The following FBLN2 variants were observed in gnomAD, a reference collection of about 807,000 sequenced individuals.
FBLN2 encodes fibulin-2.
In FBLN2, 81 loss-of-function variants were observed where a neutral mutation model predicts 123.7. The observed-to-expected ratio is 0.65, with a 90% CI of 0.55 to 0.79. FBLN2 has a LOEUF of 0.79. Ranked by LOEUF, FBLN2 falls within the 30% of genes least tolerant of loss-of-function variation. The pLI is 0.00. For missense variants in FBLN2, 1,603 were observed against 1,681.3 expected (o/e 0.95, Z 0.81); for synonymous variants, 699 against 701.4 (o/e 1.00, Z 0.05).
chr3:13,607,352 T>C (rs933496276), intron 2 of FBLN2, among the ~76,000 whole-genome samples: 27 of 152,006 alleles, frequency 1.8e-4, no homozygotes, highest in African/African-American at 6.5e-4. Context: ...TAAGAGAAAA[T>C]ATGTTTACTA....
intron 10 of FBLN2, 99 bp from the exon 11 acceptor site, chr3:13,627,733 A>C: frequency 2.1e-6 from 3 of 1,404,452 alleles, no homozygotes; most frequent in Non-Finnish European, 2.8e-6. Context: ...TGTGGCCATC[A>C]GGGTCATGGG....
At position 13,608,304 on chromosome 3, in the gene FBLN2, T is replaced by C. The variant is rs528234315; in HGVS notation, c.1418+131T>C. On this transcript the variant is annotated intron_variant, in intron 3 of 17. Coordinates refer to ENST00000404922, the MANE Select transcript of FBLN2 (RefSeq NM_001004019.2). ...ACATGCCTCTGGGGCATGAGGGTGA[T>C]TGGGTGTGGCTGCCGTGCGCCATCT... 784 of 671,864 alleles carry C rather than the reference T, an allele frequency of 1.2e-3. 1 individual carries two copies. Among genetic ancestry groups the C allele is most frequent in the Non-Finnish European group, 1.7e-3 (653 of 394,192 alleles). The allele number at this position is 671,864 out of a possible 1,614,324, so 41.6% of individuals were successfully genotyped here.
intron 2 of FBLN2, among the ~76,000 whole-genome samples, chr3:13,583,207 C>T (rs186380630): frequency 3.3e-5 from 5 of 152,406 alleles, no homozygotes; most frequent in Admixed American, 2.0e-4. Context: ...TTGCCACCCT[C>T]ACAGGTCACC....
At chr3:13,635,939 AG>A in intron 16 of FBLN2, among the ~76,000 whole-genome samples, 1 of 152,174 alleles carries the variant, frequency 6.6e-6, no homozygotes. Flanking sequence ...ATGGGGCAGG[AG>A]GACCACTGTA....
chr3:13,571,531 A>G lies in FBLN2; in HGVS notation c.1176A>G (p.Ser392=), dbSNP rs754022055. The G allele has an allele frequency of 3.7e-6, 6 of 1,613,496 alleles. No individual in the cohort carries two copies. The highest frequency in any genetic ancestry group is 5.1e-6 in the Non-Finnish European group (6 of 1,179,838). ...GCCCCCACAACATCCTGTCCACATC[A>G]CTGCCTGATGCAGCCTGGATCCCAC... ...KPSPHNILST[S]LPDAAWIPPT... Residue 392 remains serine, a synonymous_variant, in exon 2 of 18, where the codon TCA becomes TCG. Coordinates refer to ENST00000404922, the MANE Select transcript of FBLN2 (RefSeq NM_001004019.2).
intron 2 of FBLN2, among the ~76,000 whole-genome samples, chr3:13,597,261 C>G (rs1574970156): frequency 1.3e-5 from 2 of 152,162 alleles, no homozygotes; most frequent in South Asian, 4.1e-4. Flanking sequence ...CTCTTTTAGT[C>G]TTTAGTCTTA....
intron 10 of FBLN2, 81 bp downstream of exon 10, chr3:13,626,660 T>C (rs966476069): frequency 3.3e-5 from 47 of 1,423,282 alleles, no homozygotes; most frequent in Non-Finnish European, 4.2e-5. Flanking sequence ...CCCACCCCTG[T>C]CCTGCCCTGG....
Position 13,571,371 on chromosome 3 carries a change from A to G in FBLN2, c.1016A>G (p.Asn339Ser). The change falls in exon 2 of 18, where the codon AAC (asparagine) becomes AGC (serine). Residue 339 changes from asparagine (N) to serine (S), a missense_variant. Asn to Ser is a conservative substitution (Grantham distance 46). Coordinates refer to ENST00000404922, the MANE Select transcript of FBLN2 (RefSeq NM_001004019.2). ...GAAGCTGGGGCAAGGCCTGAAGAGAACCTCATCCTGGATGCCCAAGCCACG... is the reference window on the plus strand; with the variant it reads ...GAAGCTGGGGCAAGGCCTGAAGAGAGCCTCATCCTGGATGCCCAAGCCACG... ...RAEAGARPEE[N>S]LILDAQATSR... 1 of 1,612,582 alleles carries G rather than the reference A, an allele frequency of 6.2e-7. No homozygotes were observed. The highest frequency in any genetic ancestry group is 1.1e-5 in the South Asian group (1 of 90,638).
intron 7 of FBLN2, 139 bp from the exon 8 acceptor site, chr3:13,619,591 C>G: frequency 1.5e-6 from 1 of 685,648 alleles, no homozygotes; most frequent in Non-Finnish European, 2.5e-6. Context: ...AGTGGCGTTC[C>G]TTGTCTCCCA....
At chr3:13,579,519 C>T (rs754362791) in intron 2 of FBLN2, among the ~76,000 whole-genome samples, 6 of 152,242 alleles carry the variant, frequency 3.9e-5, no homozygotes, top group Non-Finnish European at 7.3e-5. Flanking sequence ...TAGGTGCGTG[C>T]ACGTATTTTC....
intron 1 of FBLN2, among the ~76,000 whole-genome samples, chr3:13,555,604 G>A (rs551380009): frequency 3.3e-5 from 5 of 151,986 alleles, no homozygotes; most frequent in African/African-American, 9.7e-5. Flanking sequence ...ACAGGCGCCC[G>A]CCACCATGCC....
chr3:13,586,495 G>GT (rs1245229846), intron 2 of FBLN2, among the ~76,000 whole-genome samples: 27,885 of 117,698 alleles, frequency 0.24, 4,038 homozygotes, highest in East Asian at 0.46. Flanking sequence ...TGTCTTAGTT[G>GT]TTTTTTTTTT....
intron 2 of FBLN2, among the ~76,000 whole-genome samples, chr3:13,590,828 G>T (rs1434302123): frequency 6.6e-6 from 1 of 152,206 alleles, no homozygotes; most frequent in Non-Finnish European, 1.5e-5. Flanking sequence ...CAGTTTTAGT[G>T]TCGATGGACA....
Position 13,570,701 on chromosome 3 carries a change from G to C in FBLN2, c.346G>C (p.Glu116Gln). The change falls in exon 2 of 18, where the codon GAG becomes CAG. Residue 116 changes from glutamate to glutamine, a missense_variant. Coordinates refer to ENST00000404922, the MANE Select transcript of FBLN2 (RefSeq NM_001004019.2). ...CAGCTGCCAGTTCATGCTGTGCCCGGAGCTGCCGCCCAACTGCATCGAGGC... is the reference window on the plus strand; with the variant it reads ...CAGCTGCCAGTTCATGCTGTGCCCGCAGCTGCCGCCCAACTGCATCGAGGC... ...KISCQFMLCP[E>Q]LPPNCIEAVV... The C allele has an allele frequency of 1.3e-6, 2 of 1,592,210 alleles. No individual in the cohort carries two copies. The highest frequency in any genetic ancestry group is 4.6e-5 in the East Asian group (2 of 43,872).
chr3:13,597,883 G>A (rs1704898105), intron 2 of FBLN2, among the ~76,000 whole-genome samples: 1 of 152,226 alleles, frequency 6.6e-6, no homozygotes, highest in African/African-American at 2.4e-5. Context: ...ATGTTGCTGG[G>A]CCATGTCACT....
chr3:13,589,747 T>C (rs1027906288), intron 2 of FBLN2, among the ~76,000 whole-genome samples: 2 of 152,246 alleles, frequency 1.3e-5, no homozygotes, highest in Non-Finnish European at 2.9e-5. Flanking sequence ...TCCAACTATA[T>C]TAATCTCTCT....
intron 15 of FBLN2, 71 bp from the exon 16 acceptor site, chr3:13,631,258 C>CA: frequency 6.5e-7 from 1 of 1,545,228 alleles, no homozygotes; most frequent in Non-Finnish European, 8.8e-7. Flanking sequence ...GTGACAGGGA[C>CA]AGGCTGACTG....
intron 1 of FBLN2, among the ~76,000 whole-genome samples, chr3:13,554,432 A>C (rs6803298): frequency 0.02 from 3,004 of 152,338 alleles, 88 homozygotes; most frequent in African/African-American, 0.063. Context: ...TAGATGATCC[A>C]GAAAGTTCTG....
intron 1 of FBLN2, among the ~76,000 whole-genome samples, chr3:13,555,980 C>G (rs577219202): frequency 6.6e-6 from 1 of 152,312 alleles, no homozygotes; most frequent in East Asian, 1.9e-4. Context: ...CGTCACATAC[C>G]TCACATCTCC....
Sources: allele counts gnomAD v4.1 joint callset (sites outside exome capture counted in the v4.1 genomes callset), GRCh38; gene constraint gnomAD v4.1.1; transcripts MANE v1.5; gene names NCBI Gene and HGNC (gene_info 2026-07-23, HGNC 2026-07-21).